TPRG1: variants seen among roughly 807,000 people sequenced by gnomAD.
TPRG1 encodes the protein tumor protein p63 regulated 1.
Under a neutral mutation model 29.3 loss-of-function variants are expected in TPRG1, and 29 were observed. The ratio of observed to expected loss-of-function variants is 0.99; its 90% CI spans 0.74 to 1.35. TPRG1 has a LOEUF of 1.35. Among genes scored for constraint, TPRG1 ranks in the 40% most tolerant of loss-of-function variants. The pLI is 0.00. For missense variants in TPRG1, 327 were observed against 335.0 expected (o/e 0.98, Z 0.19); for synonymous variants, 130 against 116.8 (o/e 1.11, Z -0.73).
At chr3:189,264,033 T>G (rs1362526696) in intron 4 of TPRG1, among the ~76,000 whole-genome samples, 1 of 152,176 alleles carries the variant, frequency 6.6e-6, no homozygotes, top group Admixed American at 6.5e-5. Context: ...TGAGGGCAAC[T>G]ATTTAGAAAT....
intron 3 of TPRG1, among the ~76,000 whole-genome samples, chr3:189,223,114 A>G (rs1481265880): frequency 2.0e-5 from 3 of 152,182 alleles, no homozygotes; most frequent in African/African-American, 7.2e-5. Flanking sequence ...ATCTCAGCCT[A>G]GTTCCCAGTG....
chr3:189,152,169 G>GTT (rs141121407), intron 5 of TPRG1, among the ~76,000 whole-genome samples: 43 of 148,570 alleles, frequency 2.9e-4, no homozygotes, highest in Admixed American at 2.7e-4. Context: ...CTTAAGATCT[G>GTT]TTTTTTTTTT....
At chr3:189,317,133 A>G (rs1383744871) in intron 5 of TPRG1, among the ~76,000 whole-genome samples, 7 of 152,214 alleles carry the variant, frequency 4.6e-5, no homozygotes, top group African/African-American at 1.7e-4. Context: ...GAAGTTTATG[A>G]TGAAGCCAGA....
At chr3:189,093,894 G>A (rs374298025) in intron 4 of TPRG1, among the ~76,000 whole-genome samples, 45 of 152,276 alleles carry the variant, frequency 3.0e-4, no homozygotes, top group South Asian at 2.3e-3. Flanking sequence ...TCTTTAATTA[G>A]GGTTAGATAA....
chr3:189,219,857 A>G, intron 3 of TPRG1: 1 of 764,952 alleles, frequency 1.3e-6, no homozygotes, highest in Non-Finnish European at 1.6e-6. Flanking sequence ...AAAGATACTT[A>G]AAATATGTTT....
chr3:189,317,967 G>A (rs895343196), intron 5 of TPRG1, among the ~76,000 whole-genome samples: 2 of 152,048 alleles, frequency 1.3e-5, no homozygotes, highest in African/African-American at 4.8e-5. Context: ...CTTCTTATTT[G>A]TCTCTACACA....
intron 3 of TPRG1, among the ~76,000 whole-genome samples, chr3:189,221,180 TATA>T (rs779174120): frequency 6.6e-6 from 1 of 152,212 alleles, no homozygotes; most frequent in East Asian, 1.9e-4. Flanking sequence ...TGGCTATTTC[TATA>T]ATAATAATAT....
chr3:189,151,742 G>A (rs1483682840), intron 5 of TPRG1, among the ~76,000 whole-genome samples: 1 of 152,082 alleles, frequency 6.6e-6, no homozygotes, highest in Non-Finnish European at 1.5e-5. Flanking sequence ...TTAGCCAGGT[G>A]TGGTGGCATG....
chr3:189,150,130 T>C (rs1037962149), intron 4 of TPRG1, among the ~76,000 whole-genome samples: 3 of 152,238 alleles, frequency 2.0e-5, no homozygotes, highest in African/African-American at 7.2e-5. Context: ...TTCTGCTTAC[T>C]ACCTTTGATG....
Position 189,324,373 on chromosome 3 carries a change from G to C in TPRG1, c.*3553G>C, listed in dbSNP as rs1724550581. 6.6e-6 allele frequency: 1 copy of C among 152,068 alleles called. No homozygotes were observed. The highest frequency in any genetic ancestry group is 1.5e-5 in the Non-Finnish European group (1 of 68,022). 9.4% of individuals were successfully genotyped at this position (152,068 alleles called of 1,614,324 possible). On this transcript the variant is annotated 3_prime_UTR_variant, in exon 6 of 6. Transcript: ENST00000345063. ...TTCCAATTTCTATCCCTAGCCCACT[G>C]CTCTTTCCAATATAATATCTGTATT...
chr3:189,217,086 TG>T (rs1429964365), intron 3 of TPRG1, among the ~76,000 whole-genome samples: 2 of 152,368 alleles, frequency 1.3e-5, no homozygotes, highest in East Asian at 3.9e-4. Context: ...ATGCTTTTTT[TG>T]TTTGCTTGAT....
At position 189,207,515 on chromosome 3, in the gene TPRG1, A is replaced by T; in HGVS notation, c.131A>T (p.Gln44Leu). 3 of 1,614,094 alleles carry T rather than the reference A, an allele frequency of 1.9e-6. No individual in the cohort carries two copies. The highest frequency in any genetic ancestry group is 2.7e-5 in the African/African-American group (2 of 75,034). ...CCGATGCCAAGACAGATTTCAAGGCAGTCAAGTGTGACCGAATCAACTCTT... is the reference window on the plus strand; with the variant it reads ...CCGATGCCAAGACAGATTTCAAGGCTGTCAAGTGTGACCGAATCAACTCTT... Reference protein sequence around the residue: ...EDPMPRQISRQSSVTESTLYP... With the variant: ...EDPMPRQISRLSSVTESTLYP... Residue 44 changes from glutamine to leucine, a missense_variant, in exon 2 of 6, where the codon CAG (glutamine) becomes CTG (leucine). Physicochemically the swap from Gln to Leu is moderately radical, Grantham distance 113 (BLOSUM62 -2). Transcript: ENST00000345063.
chr3:189,227,329 T>A (rs978861083), intron 3 of TPRG1, among the ~76,000 whole-genome samples: 1 of 152,032 alleles, frequency 6.6e-6, no homozygotes, highest in Admixed American at 6.6e-5. Flanking sequence ...CTGGTGAGAA[T>A]CTCCCCCACC....
At chr3:189,318,194 C>T (rs973745446) in intron 5 of TPRG1, among the ~76,000 whole-genome samples, 2 of 152,094 alleles carry the variant, frequency 1.3e-5, no homozygotes, top group Non-Finnish European at 2.9e-5. Context: ...TGCTTAACAT[C>T]CTAACATGCA....
At chr3:189,125,908 A>G (rs1005627385) in intron 1 of TPRG1, among the ~76,000 whole-genome samples, 1 of 149,774 alleles carries the variant, frequency 6.7e-6, no homozygotes, top group African/African-American at 2.5e-5. Context: ...AAATGTCTTT[A>G]GTGATCAGAA....
chr3:189,097,819 C>G (rs541958537), upstream of TPRG1, among the ~76,000 whole-genome samples: 519 of 152,228 alleles, frequency 3.4e-3, 1 homozygote, highest in Non-Finnish European at 6.1e-3. Context: ...ATAATTGGAC[C>G]TTGTGTCTTC....
Position 189,055,455 on chromosome 3 carries a change from C to G in TPRG1, c.-463+31509C>G, listed in dbSNP as rs570610925. Among the ~76,000 whole-genome samples the G allele has an allele frequency of 2.0e-5, 3 of 152,310 alleles. No homozygotes were observed. The East Asian group carries it at 5.8e-4, about 29-fold the overall frequency. The stretch of plus-strand genomic sequence containing the variant: ...GCAAGGGCCCACTCAGGCTCTGATT[C>G]ACAGGGAAGTTTTGGGAAGCGTGTA... On this transcript the variant is annotated intron_variant, in intron 4 of 10. Transcript: ENST00000433971.
At chr3:189,186,987 T>G in intron 1 of TPRG1, among the ~76,000 whole-genome samples, 1 of 125,376 alleles carries the variant, frequency 8.0e-6, no homozygotes, top group East Asian at 2.1e-4. Context: ...TCTAAAGTGT[T>G]TTTTTTTTTT....
At chr3:189,101,429 C>A (rs976683731) in intron 1 of TPRG1, among the ~76,000 whole-genome samples, 7 of 152,016 alleles carry the variant, frequency 4.6e-5, no homozygotes. Flanking sequence ...AGGTATTTGG[C>A]GACACCATCC....
Sources: allele counts gnomAD v4.1 joint callset (sites outside exome capture counted in the v4.1 genomes callset), GRCh38; gene constraint gnomAD v4.1.1; transcripts MANE v1.5; gene names NCBI Gene and HGNC (gene_info 2026-07-23, HGNC 2026-07-21).